Variants in ADAM17 observed in about 807,000 individuals in gnomAD.
ADAM17 encodes the protein ADAM metallopeptidase domain 17.
A neutral mutation model predicts 96.7 loss-of-function variants in ADAM17; 39 were observed. The observed-to-expected ratio is 0.40, with a 90% CI of 0.31 to 0.53. The LOEUF (loss-of-function observed/expected upper bound fraction) is 0.53. Ranked by LOEUF, ADAM17 falls within the 20% of genes least tolerant of loss-of-function variation. ADAM17 has a pLI of 0.44. For missense variants in ADAM17, 777 were observed against 1,013.2 expected (o/e 0.77, Z 3.17); for synonymous variants, 344 against 359.2 (o/e 0.96, Z 0.48).
intron 8 of ADAM17, 129 bp from the exon 9 acceptor site, chr2:9,518,376 CCAG>C (rs1276252325): frequency 8.6e-7 from 1 of 1,157,696 alleles, no homozygotes; most frequent in Non-Finnish European, 1.1e-6. Context: ...CAGCTCAGCA[CCAG>C]CAATCACAAC....
At chr2:9,518,345 G>C in intron 8 of ADAM17, 98 bp from the exon 9 acceptor site, 3 of 1,339,652 alleles carry the variant, frequency 2.2e-6, no homozygotes, top group Non-Finnish European at 2.9e-6. Context: ...AAACATTCCA[G>C]AACAGAACTA....
At chr2:9,535,275 C>T (rs1020934441) in intron 4 of ADAM17, among the ~76,000 whole-genome samples, 1 of 152,168 alleles carries the variant, frequency 6.6e-6, no homozygotes, top group African/African-American at 2.4e-5. Flanking sequence ...AACTTCAATT[C>T]ACAATTATGA....
At position 9,526,116 on chromosome 2, in the gene ADAM17, A is replaced by G; in HGVS notation, c.748T>C (p.Tyr250His). The change falls in exon 6 of 19, where the codon TAC becomes CAC. Residue 250 changes from tyrosine (Y) to histidine (H), a missense_variant. Physicochemically the swap from Tyr to His is moderately conservative, Grantham distance 83. Coordinates refer to ENST00000310823, the MANE Select transcript of ADAM17 (RefSeq NM_003183.6). ...ATGCAATATCAAATACTTACTAAGT[A>G]ATTTGTAGTTGTACTCTCTTCCCCT... ...GRGEESTTTNYLIELIDRVDD... is the reference protein window; with the variant it reads ...GRGEESTTTNHLIELIDRVDD... 6.2e-7 allele frequency: 1 copy of G among 1,604,166 alleles called. No homozygotes were observed. The highest frequency in any genetic ancestry group is 8.5e-7 in the Non-Finnish European group (1 of 1,176,522).
intron 1 of ADAM17, among the ~76,000 whole-genome samples, chr2:9,546,046 C>G (rs924602398): frequency 6.2e-5 from 9 of 145,254 alleles, no homozygotes; most frequent in African/African-American, 2.3e-4. Context: ...TGCAGTAAGC[C>G]AAGATAGCAC....
Position 9,544,629 on chromosome 2 carries a change from C to A in ADAM17, c.98-1344G>T, listed in dbSNP as rs377551529. Among the ~76,000 whole-genome samples the A allele has an allele frequency of 7.9e-5, 12 of 152,242 alleles. No individual in the cohort carries two copies. In the East Asian group the frequency reaches 2.3e-3, roughly 29 times the overall value. On this transcript the variant is annotated intron_variant, in intron 1 of 18. Transcript: ENST00000310823. Reference sequence around the variant, plus strand: ...GATCACAAGGTCAGGAGATGGAGACCATCCTGGCAAACATGGTGAAACCCA... The same window carrying A: ...GATCACAAGGTCAGGAGATGGAGACAATCCTGGCAAACATGGTGAAACCCA...
rs569389637 is a variant in ADAM17 at position 9,534,586 on chromosome 2, C to G, written c.450+1248G>C. On this transcript the variant is annotated intron_variant, in intron 4 of 18. Coordinates refer to ENST00000310823, the MANE Select transcript of ADAM17 (RefSeq NM_003183.6). ...ACCCTAATTTAGATCTATATTAACA[C>G]GAAAAGGTTCATAATCATATTGTTA... 3.9e-5 allele frequency among the ~76,000 whole-genome samples: 6 copies of G among 151,984 alleles called. No homozygotes were observed. In the South Asian group the frequency reaches 1.2e-3, roughly 32 times the overall value.
chr2:9,517,783 C>T lies in ADAM17; in HGVS notation c.1191+118G>A, dbSNP rs917485857. ...CAAAAATACATAAATTTTATTTAGG[C>T]AGAAATTTAAAAAACAGTATATATT... On this transcript the variant is annotated intron_variant, in intron 10 of 18. Transcript: ENST00000310823. The T allele has an allele frequency of 1.8e-5, 11 of 612,384 alleles. No homozygotes were observed. In the African/African-American group the frequency reaches 1.9e-4, roughly 11 times the overall value. 37.9% of individuals were successfully genotyped at this position (612,384 alleles called of 1,614,324 possible).
chr2:9,501,418 T>A (rs1390056578), intron 13 of ADAM17, among the ~76,000 whole-genome samples: 1 of 152,110 alleles, frequency 6.6e-6, no homozygotes, highest in African/African-American at 2.4e-5. Context: ...GACTACACAA[T>A]GACACTCCTC....
intron 4 of ADAM17, 122 bp from the exon 5 acceptor site, chr2:9,528,076 A>C: frequency 1.7e-6 from 1 of 591,080 alleles, no homozygotes; most frequent in Non-Finnish European, 2.6e-6. Flanking sequence ...TAAACTGATT[A>C]GTCATGTTAT....
At chr2:9,523,111 C>T in intron 7 of ADAM17, 138 bp downstream of exon 7, 3 of 625,612 alleles carry the variant, frequency 4.8e-6, no homozygotes, top group Non-Finnish European at 5.4e-6. Context: ...CTGCACAATT[C>T]ATCATAAAAA....
chr2:9,525,171 C>T (rs1357259649), intron 6 of ADAM17, among the ~76,000 whole-genome samples: 2 of 151,954 alleles, frequency 1.3e-5, no homozygotes, highest in East Asian at 1.9e-4. Context: ...CTGTGGTTCA[C>T]GCCTGTAATT....
chr2:9,535,556 A>T (rs1040180662), intron 4 of ADAM17, among the ~76,000 whole-genome samples: 1 of 152,224 alleles, frequency 6.6e-6, no homozygotes, highest in African/African-American at 2.4e-5. Context: ...TATTTGAGAA[A>T]GAATTAAAAA....
chr2:9,532,466 A>C (rs1194444863), intron 4 of ADAM17, among the ~76,000 whole-genome samples: 2 of 151,980 alleles, frequency 1.3e-5, no homozygotes, highest in Non-Finnish European at 2.9e-5. Context: ...TTGTAAGTAA[A>C]CATCTTTGTG....
At chr2:9,520,147 G>C (rs569388561) in intron 8 of ADAM17, among the ~76,000 whole-genome samples, 1 of 152,170 alleles carries the variant, frequency 6.6e-6, no homozygotes, top group Admixed American at 6.5e-5. Flanking sequence ...CACCATACCT[G>C]GACTAGCCCA....
chr2:9,543,046 C>A, intron 2 of ADAM17, 107 bp downstream of exon 2: 4 of 1,324,688 alleles, frequency 3.0e-6, no homozygotes, highest in Non-Finnish European at 4.0e-6. Flanking sequence ...AATTACAAAT[C>A]TTTAAAATGT....
At chr2:9,555,397 G>C (rs547526678) in intron 1 of ADAM17, 112 bp downstream of exon 1, 1 of 858,474 alleles carries the variant, frequency 1.2e-6, no homozygotes, top group South Asian at 2.0e-5. Flanking sequence ...TTAGGGACGC[G>C]CCACCATCGC....
chr2:9,513,905 G>A (rs1300147972), intron 10 of ADAM17, among the ~76,000 whole-genome samples: 3 of 151,062 alleles, frequency 2.0e-5, no homozygotes, highest in Non-Finnish European at 4.4e-5. Context: ...CAGCTGCTCA[G>A]GAGAAAGAGG....
intron 12 of ADAM17, among the ~76,000 whole-genome samples, chr2:9,504,117 C>G (rs1267737701): frequency 3.9e-5 from 6 of 152,112 alleles, no homozygotes; most frequent in Non-Finnish European, 8.8e-5. Context: ...TGCCACTGCA[C>G]TCCATCTTGG....
rs1028126173 is a variant in ADAM17 at position 9,555,523 on chromosome 2, G to C, written c.83C>G (p.Pro28Arg). 1 of 1,598,372 alleles carries C rather than the reference G, an allele frequency of 6.3e-7. No individual in the cohort carries two copies. The highest frequency in any genetic ancestry group is 1.7e-5 in the Admixed American group (1 of 57,902). ...PRPPDDPGFGPHQRLEKLDSL... is the reference protein window; with the variant it reads ...PRPPDDPGFGRHQRLEKLDSL... Reference sequence around the variant, plus strand: ...TGGGTCTTTACCGAGTCTCTGGTGGGGGCCGAAGCCCGGGTCATCCGGAGG... The same window carrying C: ...TGGGTCTTTACCGAGTCTCTGGTGGCGGCCGAAGCCCGGGTCATCCGGAGG... The change falls in exon 1 of 19, where the codon CCC becomes CGC. Residue 28 changes from proline (P) to arginine (R), a missense_variant. Around this residue, in one of 3 missense-constraint regions of ADAM17, gnomAD observed 134 missense variants for 129.1 expected, o/e 1.04. Transcript: ENST00000310823.
Sources: allele counts gnomAD v4.1 joint callset (sites outside exome capture counted in the v4.1 genomes callset), GRCh38; gene constraint gnomAD v4.1.1; regional missense constraint gnomAD v4.1.1; transcripts MANE v1.5; gene names NCBI Gene and HGNC (gene_info 2026-07-23, HGNC 2026-07-21).